Variants in RNF180 observed in about 807,000 individuals in gnomAD.
The protein encoded by RNF180 is ring finger protein 180.
A neutral mutation model predicts 59.2 loss-of-function variants in RNF180; 38 were observed. The ratio of observed to expected loss-of-function variants is 0.64; its 90% CI spans 0.50 to 0.84. The LOEUF (loss-of-function observed/expected upper bound fraction) is 0.84. Among genes scored for constraint, RNF180 ranks in the 40% least tolerant of loss-of-function variants. RNF180 has a pLI of 0.00. For missense variants in RNF180, 705 were observed against 700.9 expected, an observed-to-expected ratio of 1.01 and a Z score of -0.07; for synonymous variants, 262 against 240.3, an observed-to-expected ratio of 1.09 and a Z score of -0.84.
chr5:64,171,114 G>A (rs927523007), intron 1 of RNF180, among the ~76,000 whole-genome samples: 1 of 152,188 alleles, frequency 6.6e-6, no homozygotes, highest in African/African-American at 2.4e-5. Context: ...CTGTGGCTCT[G>A]AAGAGTCATA....
intron 1 of RNF180, among the ~76,000 whole-genome samples, chr5:64,199,823 A>G (rs1320393384): frequency 4.6e-5 from 7 of 152,210 alleles, no homozygotes; most frequent in Admixed American, 6.5e-5. Context: ...GTGTGAAACT[A>G]TTATCCCAAA....
chr5:64,301,247 A>G lies in RNF180; in HGVS notation c.1228-23939A>G, dbSNP rs190629267. Among the ~76,000 whole-genome samples the G allele has an allele frequency of 4.6e-5, 7 of 151,874 alleles. No individual in the cohort carries two copies. In the East Asian group the frequency reaches 5.8e-4, roughly 13 times the overall value. On this transcript the variant is annotated intron_variant, in intron 5 of 7. Transcript: ENST00000389100. ...CAAGTATGACAATTAAATTTATTCA[A>G]TATGTTGTATTTACAAATATAAATG...
chr5:64,244,641 T>C (rs189589126), intron 5 of RNF180, among the ~76,000 whole-genome samples: 184 of 152,194 alleles, frequency 1.2e-3, no homozygotes, highest in Non-Finnish European at 2.4e-3. Flanking sequence ...ACGGGGAGAA[T>C]GGAACCAAGT....
At chr5:64,367,189 C>A (rs920676130) in intron 7 of RNF180, among the ~76,000 whole-genome samples, 2 of 151,442 alleles carry the variant, frequency 1.3e-5, no homozygotes, top group African/African-American at 4.8e-5. Context: ...TCATCACCAC[C>A]AGACTGGCTC....
At chr5:64,247,813 C>T (rs72752819) in intron 5 of RNF180, among the ~76,000 whole-genome samples, 11,828 of 152,152 alleles carry the variant, frequency 0.078, 631 homozygotes, top group South Asian at 0.16. Flanking sequence ...CAATCCTAAG[C>T]GAAAAGAACA....
intron 7 of RNF180, among the ~76,000 whole-genome samples, chr5:64,338,176 T>G (rs1745210786): frequency 6.6e-6 from 1 of 152,154 alleles, no homozygotes; most frequent in South Asian, 2.1e-4. Context: ...TAATTATTTA[T>G]AAGGTTTTTG....
intron 5 of RNF180, among the ~76,000 whole-genome samples, chr5:64,306,389 G>C (rs1210294767): frequency 6.6e-6 from 1 of 151,658 alleles, no homozygotes; most frequent in Non-Finnish European, 1.5e-5. Flanking sequence ...TTAGGTGTCT[G>C]TTTTTGAATG....
At chr5:64,301,738 T>G (rs1743171986) in intron 5 of RNF180, among the ~76,000 whole-genome samples, 1 of 151,436 alleles carries the variant, frequency 6.6e-6, no homozygotes, top group African/African-American at 2.4e-5. Flanking sequence ...GTTTTCAGTC[T>G]GGTTGTTATA....
At chr5:64,269,845 C>T (rs531657082) in intron 5 of RNF180, among the ~76,000 whole-genome samples, 10 of 152,170 alleles carry the variant, frequency 6.6e-5, no homozygotes, top group African/African-American at 2.4e-4. Context: ...AATTTTGGCA[C>T]GTATTTAAAA....
At chr5:64,298,922 A>C (rs2112448078) in intron 5 of RNF180, among the ~76,000 whole-genome samples, 1 of 152,122 alleles carries the variant, frequency 6.6e-6, no homozygotes, top group Non-Finnish European at 1.5e-5. Context: ...TGCTAGGCTT[A>C]GTGCAGGAGC....
At position 64,306,179 on chromosome 5, in the gene RNF180, C is replaced by G. The variant is rs531328029; in HGVS notation, c.1228-19007C>G. ...AATAAAAAGGTAGATTTCTTGAAAC[C>G]CAATTGCATAAGAATTGTTTTCTGT... On this transcript the variant is annotated intron_variant, in intron 5 of 7. Coordinates refer to ENST00000389100, the MANE Select transcript of RNF180 (RefSeq NM_001113561.2). 6.6e-4 allele frequency among the ~76,000 whole-genome samples: 100 copies of G among 151,574 alleles called. 1 individual carries two copies. The South Asian group carries it at 0.02, about 31-fold the overall frequency.
chr5:64,295,907 C>A (rs1196010833), intron 5 of RNF180, among the ~76,000 whole-genome samples: 2 of 152,108 alleles, frequency 1.3e-5, no homozygotes, highest in East Asian at 3.9e-4. Flanking sequence ...ATTCATGATT[C>A]CTGCTTGATG....
intron 2 of RNF180, among the ~76,000 whole-genome samples, chr5:64,205,167 TG>T (rs2112077805): frequency 6.6e-6 from 1 of 152,286 alleles, no homozygotes; most frequent in Admixed American, 6.5e-5. Flanking sequence ...ACAGTACAAA[TG>T]CAGCCATCAG....
chr5:64,212,349 C>G (rs1752356533), intron 3 of RNF180, among the ~76,000 whole-genome samples, 189 bp downstream of exon 3: 1 of 151,956 alleles, frequency 6.6e-6, no homozygotes, highest in Non-Finnish European at 1.5e-5. Context: ...TTTACGCACA[C>G]ACACACACAT....
intron 5 of RNF180, among the ~76,000 whole-genome samples, chr5:64,235,290 CA>C (rs1357107839): frequency 6.6e-6 from 1 of 152,054 alleles, no homozygotes; most frequent in Non-Finnish European, 1.5e-5. Flanking sequence ...CTCAAACAAA[CA>C]AACATAAAAC....
chr5:64,234,578 CTTTTTTTTTTTTTTTTTTTTT>C (rs1171637074), intron 5 of RNF180, among the ~76,000 whole-genome samples: 5 of 48,500 alleles, frequency 1.0e-4, no homozygotes, highest in Non-Finnish European at 1.5e-4. Flanking sequence ...GTTACCCGTT[CTTTTTTTTTTTTTTTTTTTTT>C]TTTTTTTTTT....
At chr5:64,225,004 A>G (rs1490293157) in intron 5 of RNF180, among the ~76,000 whole-genome samples, 3 of 152,112 alleles carry the variant, frequency 2.0e-5, no homozygotes, top group Non-Finnish European at 4.4e-5. Context: ...TGAGAAAATC[A>G]TTTTCTTGTC....
chr5:64,179,618 TC>T (rs1750459197), intron 1 of RNF180, among the ~76,000 whole-genome samples: 5 of 152,236 alleles, frequency 3.3e-5, no homozygotes, highest in Admixed American at 3.3e-4. Context: ...TATATAGTAT[TC>T]CATTGTATGA....
chr5:64,357,110 C>G (rs528254646), intron 7 of RNF180, among the ~76,000 whole-genome samples: 1 of 151,756 alleles, frequency 6.6e-6, no homozygotes, highest in African/African-American at 2.4e-5. Context: ...GAAATTTAAG[C>G]AGATGTTATA....
Sources: allele counts gnomAD v4.1 joint callset (sites outside exome capture counted in the v4.1 genomes callset), GRCh38; gene constraint gnomAD v4.1.1; transcripts MANE v1.5; gene names NCBI Gene and HGNC (gene_info 2026-07-23, HGNC 2026-07-21).